PLEKHM3: variants seen among roughly 807,000 people sequenced by gnomAD.
PLEKHM3 encodes the protein pleckstrin homology domain-containing family M member 3.
A neutral mutation model predicts 81.8 loss-of-function variants in PLEKHM3; 45 were observed. The observed-to-expected ratio is 0.55, with a 90% CI of 0.43 to 0.71. The LOEUF is 0.71. Among genes scored for constraint, PLEKHM3 ranks in the 30% least tolerant of loss-of-function variants. The pLI, the probability that PLEKHM3 is intolerant of heterozygous loss-of-function variation, is 0.00. For missense variants in PLEKHM3, 788 were observed against 924.3 expected (o/e 0.85, Z 1.91); for synonymous variants, 352 against 356.4 (o/e 0.99, Z 0.14).
chr2:207,922,583 C>A (rs185992758), intron 5 of PLEKHM3, among the ~76,000 whole-genome samples: 1 of 152,082 alleles, frequency 6.6e-6, no homozygotes, highest in South Asian at 2.1e-4. Flanking sequence ...GAGGCCGAGG[C>A]GGGCGGATCA....
intron 6 of PLEKHM3, among the ~76,000 whole-genome samples, chr2:207,883,458 A>G (rs891208859): frequency 1.3e-5 from 2 of 152,240 alleles, no homozygotes. Context: ...TAGTGAGCTC[A>G]GGTTTTCACA....
intron 4 of PLEKHM3, among the ~76,000 whole-genome samples, chr2:207,931,344 G>C (rs1323110763): frequency 6.6e-6 from 1 of 152,222 alleles, no homozygotes; most frequent in Non-Finnish European, 1.5e-5. Context: ...CTTGACTGCA[G>C]TGGTGATTAC....
chr2:207,875,147 T>A (rs1273165065), intron 6 of PLEKHM3, among the ~76,000 whole-genome samples: 1 of 151,950 alleles, frequency 6.6e-6, no homozygotes, highest in Admixed American at 6.5e-5. Flanking sequence ...CAAAAAAAAA[T>A]TTCCTATTTA....
At chr2:207,984,618 T>A (rs1691653349) in intron 2 of PLEKHM3, among the ~76,000 whole-genome samples, 1 of 152,172 alleles carries the variant, frequency 6.6e-6, no homozygotes, top group African/African-American at 2.4e-5. Flanking sequence ...TGACCTCAGG[T>A]GACCCACCCA....
chr2:208,012,285 C>CGCCT (rs980713086), intron 1 of PLEKHM3, among the ~76,000 whole-genome samples: 1 of 152,056 alleles, frequency 6.6e-6, no homozygotes, highest in Non-Finnish European at 1.5e-5. Flanking sequence ...GCTCATGATC[C>CGCCT]GCCTGCCTGA....
chr2:208,010,063 T>C (rs1485725764), intron 1 of PLEKHM3, among the ~76,000 whole-genome samples: 1 of 152,232 alleles, frequency 6.6e-6, no homozygotes, highest in Non-Finnish European at 1.5e-5. Context: ...TGTGAACCAC[T>C]ACACTATCAG....
At chr2:207,905,720 A>G (rs1688579330) in intron 6 of PLEKHM3, among the ~76,000 whole-genome samples, 2 of 152,226 alleles carry the variant, frequency 1.3e-5, no homozygotes, top group South Asian at 4.1e-4. Flanking sequence ...ACAAAGAACC[A>G]GGTTAGAGTG....
At chr2:207,899,214 C>T (rs926794683) in intron 6 of PLEKHM3, among the ~76,000 whole-genome samples, 1 of 152,194 alleles carries the variant, frequency 6.6e-6, no homozygotes, top group Non-Finnish European at 1.5e-5. Flanking sequence ...TGGAAACCTC[C>T]TCAGCCCTCA....
At chr2:207,994,780 T>C (rs1228242640) in intron 2 of PLEKHM3, among the ~76,000 whole-genome samples, 2 of 152,160 alleles carry the variant, frequency 1.3e-5, no homozygotes, top group Non-Finnish European at 2.9e-5. Context: ...ACAAAACTAT[T>C]CAATCCTCAG....
At chr2:207,878,048 C>T (rs1426125872) in intron 6 of PLEKHM3, among the ~76,000 whole-genome samples, 2 of 152,226 alleles carry the variant, frequency 1.3e-5, no homozygotes, top group Non-Finnish European at 2.9e-5. Flanking sequence ...AAACGATCTT[C>T]CCACCTCAGC....
At chr2:207,830,677 GAAGAAGGACACTTCTTCT>G (rs145891558) in intron 7 of PLEKHM3, among the ~76,000 whole-genome samples, 94,093 of 144,886 alleles carry the variant, frequency 0.65, 31,009 homozygotes, top group African/African-American at 0.73. Context: ...AGTGTCCTTA[GAAGAAGGACACTTCTTCT>G]AAGTGTCCTT....
intron 5 of PLEKHM3, among the ~76,000 whole-genome samples, chr2:207,928,353 C>G (rs1689476008): frequency 6.6e-6 from 1 of 152,180 alleles, no homozygotes; most frequent in African/African-American, 2.4e-5. Flanking sequence ...TCACTCCTTT[C>G]TTGACATAGC....
rs184714305 is a variant in PLEKHM3 at position 207,868,056 on chromosome 2, T to C, written c.1951-6794A>G. On this transcript the variant is annotated intron_variant, in intron 6 of 7. Coordinates refer to ENST00000427836, the MANE Select transcript of PLEKHM3 (RefSeq NM_001080475.3). Reference sequence around the variant, plus strand: ...AACAAGTACACAACAGTGAGAAAAGTCAGACATTTGAACTCTGCTATGTCA... The same window carrying C: ...AACAAGTACACAACAGTGAGAAAAGCCAGACATTTGAACTCTGCTATGTCA... Among the ~76,000 whole-genome samples the C allele has an allele frequency of 5.3e-5, 8 of 152,222 alleles. No homozygotes were observed. In the East Asian group the frequency reaches 1.2e-3, roughly 22 times the overall value.
In PLEKHM3 at chr2:207,966,359, A is replaced by C. The variant is rs1040774518; in HGVS notation, c.1546+10292T>G. Reference sequence around the variant, plus strand: ...CATCAAGTTTTCTTAAATAAGAAAAAATACAATCCACTCTGCATATTTTTG... The same window carrying C: ...CATCAAGTTTTCTTAAATAAGAAAACATACAATCCACTCTGCATATTTTTG... On this transcript the variant is annotated intron_variant, in intron 3 of 7. Coordinates refer to ENST00000427836, the MANE Select transcript of PLEKHM3 (RefSeq NM_001080475.3). Among the ~76,000 whole-genome samples, 5 of 152,324 alleles carry C rather than the reference A, an allele frequency of 3.3e-5. 1 individual carries two copies. The highest frequency in any genetic ancestry group is 3.4e-3 in the Middle Eastern group (1 of 294).
chr2:207,830,356 G>A (rs1464270227), intron 7 of PLEKHM3, among the ~76,000 whole-genome samples: 1 of 152,126 alleles, frequency 6.6e-6, no homozygotes, highest in Non-Finnish European at 1.5e-5. Context: ...GCTCATGCCT[G>A]TAATCTCAGC....
intron 2 of PLEKHM3, among the ~76,000 whole-genome samples, chr2:207,996,051 T>C (rs1321484925): frequency 6.6e-6 from 1 of 152,216 alleles, no homozygotes; most frequent in African/African-American, 2.4e-5. Context: ...CAGATTCCTG[T>C]AAGAAGGGAA....
chr2:207,864,649 T>C (rs1043812043), intron 6 of PLEKHM3, among the ~76,000 whole-genome samples: 3 of 152,238 alleles, frequency 2.0e-5, no homozygotes, highest in Admixed American at 6.5e-5. Context: ...TTTGAGCATC[T>C]TGTGCATAAA....
chr2:207,942,867 T>C (rs899566639), intron 4 of PLEKHM3, among the ~76,000 whole-genome samples: 1 of 151,914 alleles, frequency 6.6e-6, no homozygotes, highest in African/African-American at 2.4e-5. Flanking sequence ...ACCACTGAAC[T>C]CCAACCTGGC....
intron 6 of PLEKHM3, among the ~76,000 whole-genome samples, chr2:207,906,235 T>C (rs997094778): frequency 6.6e-6 from 1 of 152,082 alleles, no homozygotes; most frequent in African/African-American, 2.4e-5. Context: ...CTTCAGAAAA[T>C]AGATAAATGT....
Sources: allele counts gnomAD v4.1 joint callset (sites outside exome capture counted in the v4.1 genomes callset), GRCh38; gene constraint gnomAD v4.1.1; transcripts MANE v1.5; gene names NCBI Gene and HGNC (gene_info 2026-07-23, HGNC 2026-07-21).